The following TRMT11 variants were observed in gnomAD, a reference collection of about 807,000 sequenced individuals.
The protein encoded by TRMT11 is tRNA (guanine(10)-N(2))-methyltransferase TRMT11.
TRMT11 carries 53 observed loss-of-function variants against 62.8 expected under a neutral mutation model. The observed-to-expected ratio is 0.84, with a 90% CI of 0.68 to 1.06. The LOEUF (loss-of-function observed/expected upper bound fraction) is 1.06, where lower values mean the gene tolerates loss of function less well. Ranked by LOEUF, TRMT11 falls within the 50% of genes least tolerant of loss-of-function variation. The pLI is 0.00. For missense variants in TRMT11, 556 were observed against 553.4 expected (o/e 1.00, Z -0.05); for synonymous variants, 188 against 190.3 (o/e 0.99, Z 0.10).
chr6:126,228,405 C>A, the TRMT11 span, among the ~76,000 whole-genome samples: 1 of 152,196 alleles, frequency 6.6e-6, no homozygotes, highest in South Asian at 2.1e-4. Context: ...CATAGAATAA[C>A]GTACTTGTGT....
At chr6:126,034,001 T>C (rs944575057) in intron 12 of TRMT11, among the ~76,000 whole-genome samples, 4 of 152,124 alleles carry the variant, frequency 2.6e-5, no homozygotes, top group Admixed American at 6.6e-5. Context: ...ATCTGAAATA[T>C]GTGCTACCAT....
intron 21 of TRMT11, among the ~76,000 whole-genome samples, chr6:126,139,414 G>A (rs529874042): frequency 6.6e-6 from 1 of 152,080 alleles, no homozygotes; most frequent in South Asian, 2.1e-4. Flanking sequence ...TATTGCCCAG[G>A]TGGGAGTGCA....
At chr6:126,263,098 T>C in the TRMT11 span, among the ~76,000 whole-genome samples, 5 of 151,988 alleles carry the variant, frequency 3.3e-5, no homozygotes, top group African/African-American at 1.2e-4. Context: ...TTTAGTATCA[T>C]TTTATTGGGG....
the TRMT11 span, among the ~76,000 whole-genome samples, chr6:126,245,637 T>C: frequency 1.3e-5 from 2 of 152,362 alleles, no homozygotes; most frequent in Admixed American, 6.5e-5. Flanking sequence ...TTTAAAAACT[T>C]GATATAACAG....
chr6:126,097,445 A>C (rs966836131), intron 17 of TRMT11, among the ~76,000 whole-genome samples: 2 of 152,170 alleles, frequency 1.3e-5, no homozygotes, highest in African/African-American at 4.8e-5. Context: ...TCAATGTCCC[A>C]GGCTGATGAA....
chr6:126,025,071 GA>G (rs1772806330), intron 12 of TRMT11, among the ~76,000 whole-genome samples: 1 of 152,096 alleles, frequency 6.6e-6, no homozygotes, highest in South Asian at 2.1e-4. Flanking sequence ...GTATTCCAAA[GA>G]ATTAGGAGGA....
At chr6:126,243,651 G>A in the TRMT11 span, among the ~76,000 whole-genome samples, 2 of 152,112 alleles carry the variant, frequency 1.3e-5, no homozygotes, top group Non-Finnish European at 2.9e-5. Flanking sequence ...GGATGAAGCT[G>A]GAAACCATCA....
At chr6:126,124,211 TG>T (rs1777682541) in intron 21 of TRMT11, among the ~76,000 whole-genome samples, 1 of 152,072 alleles carries the variant, frequency 6.6e-6, no homozygotes, top group Non-Finnish European at 1.5e-5. Flanking sequence ...AACTTTCTTA[TG>T]GGAGGAGATC....
intron 21 of TRMT11, among the ~76,000 whole-genome samples, chr6:126,116,102 C>T (rs10499133): frequency 0.22 from 32,637 of 150,948 alleles, 7,332 homozygotes; most frequent in African/African-American, 0.58. Context: ...ATTCTTCTCT[C>T]CTTTGACTGT....
the TRMT11 span, among the ~76,000 whole-genome samples, chr6:126,270,269 C>T: frequency 2.6e-5 from 4 of 151,860 alleles, no homozygotes; most frequent in East Asian, 1.9e-4. Context: ...TTACAGAATT[C>T]GACAAAATTG....
downstream of TRMT11, among the ~76,000 whole-genome samples, chr6:126,205,460 T>A (rs1404608806): frequency 6.6e-6 from 1 of 152,134 alleles, no homozygotes; most frequent in Non-Finnish European, 1.5e-5. Context: ...GCTGAGCTCG[T>A]GCCACTGCAT....
intron 1 of TRMT11, among the ~76,000 whole-genome samples, chr6:125,990,512 G>A (rs1387113817): frequency 6.6e-6 from 1 of 151,994 alleles, no homozygotes; most frequent in African/African-American, 2.4e-5. Flanking sequence ...AGCTGTTTTT[G>A]GATTTGTAAA....
At chr6:126,142,137 G>C (rs1289768322) in intron 21 of TRMT11, among the ~76,000 whole-genome samples, 4 of 152,012 alleles carry the variant, frequency 2.6e-5, no homozygotes, top group Non-Finnish European at 4.4e-5. Flanking sequence ...TTGTGATTAG[G>C]AGATTTTCTG....
chr6:126,038,908 G>A lies in TRMT11; in HGVS notation c.*72G>A. ...AAGACATCTGGATGTGAACTTTCAT[G>A]TATGATCCAGAAAATAGGTACGGTT... On this transcript the variant is annotated 3_prime_UTR_variant, in exon 13 of 13. Transcript: ENST00000334379. 7.9e-7 allele frequency: 1 copy of A among 1,273,772 alleles called. No individual in the cohort carries two copies. The highest frequency in any genetic ancestry group is 2.5e-5 in the East Asian group (1 of 40,480). The allele number at this position is 1,273,772 out of a possible 1,614,324, so 78.9% of individuals were successfully genotyped here. A position where few individuals can be genotyped will look rare whatever the true frequency, so the allele number is the denominator to read the frequency against.
chr6:125,987,606 G>C (rs2326214), intron 1 of TRMT11, among the ~76,000 whole-genome samples: 107,669 of 152,040 alleles, frequency 0.71, 38,697 homozygotes, highest in East Asian at 0.95. Flanking sequence ...AGGAGTCTGT[G>C]GGAATAGTCT....
At chr6:126,112,742 A>G (rs1772524947) in intron 17 of TRMT11, among the ~76,000 whole-genome samples, 1 of 152,008 alleles carries the variant, frequency 6.6e-6, no homozygotes, top group African/African-American at 2.4e-5. Flanking sequence ...TTCTACCACA[A>G]ATCCCCTACA....
At chr6:126,167,782 G>A (rs1778285390) in intron 21 of TRMT11, among the ~76,000 whole-genome samples, 2 of 152,112 alleles carry the variant, frequency 1.3e-5, no homozygotes, top group Non-Finnish European at 2.9e-5. Context: ...GTCTTCATAC[G>A]CTCAACAGAC....
intron 21 of TRMT11, among the ~76,000 whole-genome samples, chr6:126,143,662 TG>T (rs762300663): frequency 2.0e-5 from 3 of 152,274 alleles, no homozygotes; most frequent in South Asian, 2.1e-4. Flanking sequence ...AGGAAGGGTT[TG>T]GTTTTTAAAA....
the TRMT11 span, among the ~76,000 whole-genome samples, chr6:126,271,831 G>T: frequency 6.6e-6 from 1 of 152,094 alleles, no homozygotes; most frequent in Non-Finnish European, 1.5e-5. Flanking sequence ...TCACTGAGAG[G>T]CAAAGAAAAA....
Sources: gnomAD v4.1 joint callset for allele counts (sites outside exome capture counted in the v4.1 genomes callset) on GRCh38, gnomAD v4.1.1 for gene constraint, MANE v1.5 for transcripts, NCBI Gene and HGNC (gene_info 2026-07-23, HGNC 2026-07-21) for gene names.